The following FOXN3 variants were observed in gnomAD, a reference collection of about 807,000 sequenced individuals.
FOXN3 encodes the protein forkhead box N3.
Under a neutral mutation model 38.4 loss-of-function variants are expected in FOXN3, and 7 were observed. The ratio of observed to expected loss-of-function variants is 0.18; its 90% CI spans 0.10 to 0.34. FOXN3 has a LOEUF of 0.34. Ranked by LOEUF, FOXN3 falls within the 10% of genes least tolerant of loss-of-function variation. FOXN3 has a pLI of 1.00. For synonymous variants in FOXN3, 230 were observed against 242.2 expected, an observed-to-expected ratio of 0.95 and a Z score of 0.47; for missense variants, 456 against 613.4, an observed-to-expected ratio of 0.74 and a Z score of 2.71.
intron 3 of FOXN3, among the ~76,000 whole-genome samples, chr14:89,282,784 G>C (rs1886502230): frequency 6.6e-6 from 1 of 152,184 alleles, no homozygotes; most frequent in Non-Finnish European, 1.5e-5. Context: ...TCCTGAGCTT[G>C]ATTTGGCTGA....
At chr14:89,465,019 G>C (rs1235377189) in intron 1 of FOXN3, among the ~76,000 whole-genome samples, 1 of 151,876 alleles carries the variant, frequency 6.6e-6, no homozygotes, top group Non-Finnish European at 1.5e-5. Context: ...TCTCGTGACA[G>C]TGAGTGAGTT....
chr14:89,557,718 T>G (rs2139873765), intron 1 of FOXN3, among the ~76,000 whole-genome samples: 1 of 152,120 alleles, frequency 6.6e-6, no homozygotes, highest in Non-Finnish European at 1.5e-5. Context: ...AAGAATGAGG[T>G]ACCAAAGGGG....
intron 3 of FOXN3, among the ~76,000 whole-genome samples, chr14:89,338,135 G>A (rs1888518572): frequency 6.6e-6 from 1 of 152,140 alleles, no homozygotes; most frequent in South Asian, 2.1e-4. Context: ...GAAGTAGATG[G>A]AAGGTCAGAA....
intron 3 of FOXN3, among the ~76,000 whole-genome samples, chr14:89,325,315 AC>A (rs1888036858): frequency 4.7e-4 from 30 of 64,484 alleles, no homozygotes; most frequent in African/African-American, 1.6e-3. Context: ...CACCACCACG[AC>A]CACCACCACC....
intron 4 of FOXN3, among the ~76,000 whole-genome samples, chr14:89,211,800 T>C (rs569952175): frequency 9.8e-5 from 15 of 152,330 alleles, no homozygotes; most frequent in Admixed American, 9.1e-4. Context: ...TGGTCTGGGA[T>C]GATCCTGAAA....
chr14:89,334,611 C>CATAAAATAAA (rs142055992), intron 3 of FOXN3, among the ~76,000 whole-genome samples: 2,717 of 147,676 alleles, frequency 0.018, 50 homozygotes, highest in Middle Eastern at 0.051. Flanking sequence ...CTTCATCAAA[C>CATAAAATAAA]ATAAAATAAA....
intron 1 of FOXN3, among the ~76,000 whole-genome samples, chr14:89,559,303 C>G (rs1895198033): frequency 1.3e-5 from 2 of 152,088 alleles, no homozygotes; most frequent in African/African-American, 4.8e-5. Context: ...TTTATTGAAC[C>G]CAGGAAGTTG....
intron 3 of FOXN3, among the ~76,000 whole-genome samples, chr14:89,319,729 T>C (rs1596180574): frequency 6.6e-6 from 1 of 152,230 alleles, no homozygotes; most frequent in East Asian, 1.9e-4. Flanking sequence ...CTGGAGGAAA[T>C]GATGTAGCTC....
intron 1 of FOXN3, among the ~76,000 whole-genome samples, chr14:89,467,704 T>G (rs572984042): frequency 6.7e-6 from 1 of 148,156 alleles, no homozygotes; most frequent in African/African-American, 2.5e-5. Context: ...CCAGCAGTCC[T>G]CCCTCCTTAG....
intron 4 of FOXN3, among the ~76,000 whole-genome samples, chr14:89,245,069 T>C (rs796780764): frequency 6.6e-6 from 1 of 152,214 alleles, no homozygotes; most frequent in Non-Finnish European, 1.5e-5. Context: ...TGCTGCTGAA[T>C]GAATTTTATA....
At chr14:89,498,613 A>T (rs1043513537) in intron 1 of FOXN3, among the ~76,000 whole-genome samples, 4 of 152,086 alleles carry the variant, frequency 2.6e-5, no homozygotes, top group Non-Finnish European at 5.9e-5. Flanking sequence ...CCTCCTCCCG[A>T]ATTACCCTGG....
intron 3 of FOXN3, among the ~76,000 whole-genome samples, chr14:89,314,247 T>C (rs1426171852): frequency 6.6e-6 from 1 of 152,206 alleles, no homozygotes; most frequent in Non-Finnish European, 1.5e-5. Context: ...CATGAGTATA[T>C]ATTGACTTAA....
At chr14:89,334,002 A>ATATC (rs1888356506) in intron 3 of FOXN3, among the ~76,000 whole-genome samples, 1 of 39,996 alleles carries the variant, frequency 2.5e-5, no homozygotes, top group African/African-American at 7.5e-5. Context: ...ATATATATAT[A>ATATC]TATATATGTA....
At chr14:89,213,333 AG>A (rs1025429465) in intron 4 of FOXN3, among the ~76,000 whole-genome samples, 2 of 152,244 alleles carry the variant, frequency 1.3e-5, no homozygotes, top group Non-Finnish European at 2.9e-5. Flanking sequence ...GCCCCAAGAC[AG>A]GGGCTCATTC....
At chr14:89,191,435 C>T (rs936197131) in intron 4 of FOXN3, among the ~76,000 whole-genome samples, 3 of 152,116 alleles carry the variant, frequency 2.0e-5, no homozygotes, top group African/African-American at 7.2e-5. Context: ...CAATTGAAGT[C>T]GACATCAAAA....
chr14:89,491,154 T>A (rs1421935460), intron 1 of FOXN3, among the ~76,000 whole-genome samples: 2 of 145,176 alleles, frequency 1.4e-5, no homozygotes, highest in African/African-American at 5.3e-5. Context: ...TTTTTTTTTT[T>A]AAGTAGAGAC....
In FOXN3 at chr14:89,415,604, C is replaced by CAAAAAA. The variant is rs34026101; in HGVS notation, c.-15+1261_-15+1266dup. ...AAAAACAAAACAAAACAACAATAAC[C>CAAAAAA]AAAAAAAAAAAAAAAAAAAAAAAAA... On this transcript the variant is annotated intron_variant, in intron 1 of 5. Transcript: ENST00000557258. Among the ~76,000 whole-genome samples the CAAAAAA allele has an allele frequency of 1.3e-3, 71 of 54,268 alleles. 4 individuals are homozygous for CAAAAAA. The highest frequency in any genetic ancestry group is 2.1e-3 in the African/African-American group (38 of 17,884). 35.6% of individuals were successfully genotyped at this position (54,268 alleles called of 152,430 possible). A position where few individuals can be genotyped will look rare whatever the true frequency, so the allele number is the denominator to read the frequency against.
chr14:89,552,561 T>C (rs1434092849), intron 1 of FOXN3, among the ~76,000 whole-genome samples: 1 of 152,148 alleles, frequency 6.6e-6, no homozygotes, highest in Non-Finnish European at 1.5e-5. Context: ...ATTCTCCTAA[T>C]TAAAAGTGTT....
chr14:89,566,889 T>G (rs1366043680), intron 1 of FOXN3, among the ~76,000 whole-genome samples: 1 of 150,572 alleles, frequency 6.6e-6, no homozygotes, highest in Non-Finnish European at 1.5e-5. Context: ...TTACCCTCCT[T>G]CCCCTACCCC....
Sources: allele counts gnomAD v4.1 joint callset (sites outside exome capture counted in the v4.1 genomes callset), GRCh38; gene constraint gnomAD v4.1.1; transcripts MANE v1.5; gene names NCBI Gene and HGNC (gene_info 2026-07-23, HGNC 2026-07-21).